The following LRRC49 variants were observed in gnomAD, a reference collection of about 807,000 sequenced individuals.
LRRC49 encodes the protein leucine rich repeat containing 49.
Under a neutral mutation model 83.3 loss-of-function variants are expected in LRRC49, and 50 were observed. The observed-to-expected ratio is 0.60, with a 90% CI of 0.48 to 0.76. The LOEUF (loss-of-function observed/expected upper bound fraction) is 0.76, where lower values mean the gene tolerates loss of function less well. LRRC49 is among the 30% of genes least tolerant of loss of function. The pLI, the probability that LRRC49 is intolerant of heterozygous loss-of-function variation, is 0.00. For missense variants in LRRC49, 704 were observed against 809.1 expected (o/e 0.87, Z 1.58); for synonymous variants, 286 against 283.3 (o/e 1.01, Z -0.10).
rs144217156 is a variant in LRRC49 at position 70,882,769 on chromosome 15, C to T, written c.18+9546C>T. The T allele has an allele frequency of 2.6e-5, 42 of 1,614,112 alleles. No individual in the cohort carries two copies. Among genetic ancestry groups the T allele is most frequent in the South Asian group, 2.0e-4 (18 of 91,070 alleles). On this transcript the variant is annotated intron_variant, in intron 2 of 16. Transcript: ENST00000544974. ...GAAGAGTCAAAACATACCCACACTACGGTGACGGGGCCTTTTCAAAGAAAT... is the reference window on the plus strand; with the variant it reads ...GAAGAGTCAAAACATACCCACACTATGGTGACGGGGCCTTTTCAAAGAAAT...
At chr15:70,870,282 C>T (rs1054464874) in intron 1 of LRRC49, among the ~76,000 whole-genome samples, 1 of 152,252 alleles carries the variant, frequency 6.6e-6, no homozygotes, top group Non-Finnish European at 1.5e-5. Context: ...TGCTGCAGAG[C>T]AGCCCACACT....
intron 14 of LRRC49, among the ~76,000 whole-genome samples, chr15:71,013,301 A>G (rs1019977168): frequency 6.6e-6 from 1 of 152,206 alleles, no homozygotes; most frequent in South Asian, 2.1e-4. Flanking sequence ...CAAAAGCACA[A>G]GTAATTGTAA....
At chr15:70,950,199 T>C (rs4555111) in intron 8 of LRRC49, among the ~76,000 whole-genome samples, 121,769 of 152,158 alleles carry the variant, frequency 0.8, 49,344 homozygotes, top group East Asian at 0.86. Flanking sequence ...TTTTCTTTAT[T>C]CAGTCCATCG....
Position 70,919,163 on chromosome 15 carries a change from T to G in LRRC49, c.681T>G (p.Leu227=), listed in dbSNP as rs2034909800. 3.1e-6 allele frequency: 5 copies of G among 1,612,844 alleles called. No individual in the cohort carries two copies. The highest frequency in any genetic ancestry group is 1.3e-5 in the African/African-American group (1 of 75,010). The change falls in exon 7 of 16, where the codon CTT becomes CTG. Residue 227 remains leucine (L), a synonymous_variant. Coordinates refer to ENST00000260382, the MANE Select transcript of LRRC49 (RefSeq NM_017691.5). ...NLNGLDSLTE[L]NLRHNQITFV... ...ATGGGCTGGATTCACTAACTGAACT[T>G]AACTTGCGACACAATCAAATCACTT...
intron 8 of LRRC49, among the ~76,000 whole-genome samples, chr15:70,941,497 TAA>T (rs569125041): frequency 2.7e-4 from 29 of 105,618 alleles, no homozygotes; most frequent in Non-Finnish European, 3.0e-4. Flanking sequence ...TAGTAGAGAG[TAA>T]AAAAAAAAAA....
At chr15:70,956,433 G>C (rs1364532143) in intron 8 of LRRC49, among the ~76,000 whole-genome samples, 1 of 150,538 alleles carries the variant, frequency 6.6e-6, no homozygotes, top group African/African-American at 2.4e-5. Context: ...TCAGCCTTTG[G>C]ACCAAAGCTT....
chr15:70,944,962 T>A (rs1029925462), intron 8 of LRRC49, among the ~76,000 whole-genome samples: 1 of 152,200 alleles, frequency 6.6e-6, no homozygotes, highest in African/African-American at 2.4e-5. Flanking sequence ...CCATAGATAC[T>A]CTTCATCTCA....
intron 2 of LRRC49, among the ~76,000 whole-genome samples, chr15:70,884,059 G>A (rs2033338446): frequency 6.6e-6 from 1 of 152,158 alleles, no homozygotes. Context: ...GAGATTATGT[G>A]GAAGACGGTA....
chr15:71,015,522 G>A (rs890278802), intron 14 of LRRC49, among the ~76,000 whole-genome samples: 2 of 152,126 alleles, frequency 1.3e-5, no homozygotes, highest in Non-Finnish European at 2.9e-5. Context: ...ATGCTTGCCC[G>A]CAGTTCACCA....
intron 8 of LRRC49, among the ~76,000 whole-genome samples, chr15:70,941,134 C>A (rs569731314): frequency 5.1e-4 from 78 of 152,158 alleles, no homozygotes; most frequent in Non-Finnish European, 9.4e-4. Flanking sequence ...CTTTTGAATT[C>A]TTTTAGTCAG....
intron 2 of LRRC49, chr15:70,894,524 G>C (rs113843622): frequency 0.044 from 31,916 of 725,078 alleles, 883 homozygotes; most frequent in Non-Finnish European, 0.052. Context: ...TTTAATTTTT[G>C]AGATTTTGAG....
intron 11 of LRRC49, among the ~76,000 whole-genome samples, chr15:71,003,508 C>T (rs1311151916): frequency 1.3e-5 from 2 of 152,172 alleles, no homozygotes; most frequent in East Asian, 1.9e-4. Flanking sequence ...CAGTTACCCA[C>T]TCTAGAAATC....
At chr15:70,998,801 C>T (rs368331692) in intron 11 of LRRC49, among the ~76,000 whole-genome samples, 6 of 151,878 alleles carry the variant, frequency 4.0e-5, no homozygotes, top group South Asian at 2.1e-4. Flanking sequence ...TCTGTGCTTC[C>T]GAAACTCCCA....
upstream of LRRC49, chr15:70,892,255 C>A: frequency 6.3e-7 from 1 of 1,576,606 alleles, no homozygotes; most frequent in African/African-American, 1.3e-5. Context: ...AGTGGGCGGC[C>A]ACACAACGGG....
At position 71,008,483 on chromosome 15, in the gene LRRC49, C is replaced by T. The variant is rs2038538639; in HGVS notation, c.1274C>T (p.Ala425Val). The T allele has an allele frequency of 6.2e-7, 1 of 1,612,808 alleles. No homozygotes were observed. Among genetic ancestry groups the T allele is most frequent in the Admixed American group, 1.7e-5 (1 of 59,890 alleles). ...ACACTTTCCCTATATGGCTCAGGAG[C>T]ACTGGAATCTCTGGATAGGAATTGG... ...GDTLSLYGSG[A>V]LESLDRNWSV... is the part of the protein sequence containing the mutation. Residue 425 changes from alanine to valine, a missense_variant, in exon 12 of 16, where the codon GCA becomes GTA. Around this residue, in one of 3 missense-constraint regions of LRRC49, gnomAD observed 275 missense variants for 338.0 expected, o/e 0.81. Transcript: ENST00000260382.
At chr15:70,924,236 G>T (rs1382932316) in intron 7 of LRRC49, among the ~76,000 whole-genome samples, 2 of 151,800 alleles carry the variant, frequency 1.3e-5, no homozygotes, top group African/African-American at 4.8e-5. Context: ...TAAAAAGAAT[G>T]CATAGCCCCC....
chr15:71,003,256 A>G (rs1431868105), intron 11 of LRRC49, among the ~76,000 whole-genome samples: 1 of 152,164 alleles, frequency 6.6e-6, no homozygotes, highest in Admixed American at 6.5e-5. Context: ...TCTTATGTAA[A>G]GATCAAGTTG....
chr15:70,922,573 CA>C (rs999242652), intron 7 of LRRC49, among the ~76,000 whole-genome samples: 18 of 151,208 alleles, frequency 1.2e-4, no homozygotes, highest in Admixed American at 3.9e-4. Context: ...TTAATGGGTA[CA>C]AAAAAATAGA....
intron 14 of LRRC49, among the ~76,000 whole-genome samples, chr15:71,027,135 G>T (rs1024128659): frequency 6.6e-6 from 1 of 152,150 alleles, no homozygotes. Context: ...TGTAAGGAAG[G>T]GGTCCAGTTT....
Sources: gnomAD v4.1 joint callset for allele counts (sites outside exome capture counted in the v4.1 genomes callset) on GRCh38, gnomAD v4.1.1 for gene constraint, gnomAD v4.1.1 regional missense constraint, MANE v1.5 for transcripts, NCBI Gene and HGNC (gene_info 2026-07-23, HGNC 2026-07-21) for gene names.